MIPOL1: variants seen among roughly 807,000 people sequenced by gnomAD.
MIPOL1 encodes mirror-image polydactyly gene 1 protein.
In MIPOL1, 57 loss-of-function variants were observed where a neutral mutation model predicts 60.9. That is an observed-to-expected ratio of 0.94 (90% CI 0.76 to 1.17). The LOEUF (loss-of-function observed/expected upper bound fraction) is 1.17. MIPOL1 is among the 50% of genes most tolerant of loss of function. MIPOL1 has a pLI of 0.00. For synonymous variants in MIPOL1, 179 were observed against 168.8 expected (o/e 1.06, Z -0.47); for missense variants, 551 against 511.6 (o/e 1.08, Z -0.74).
At chr14:37,311,103 C>G (rs1486548162) in intron 9 of MIPOL1, among the ~76,000 whole-genome samples, 2 of 152,146 alleles carry the variant, frequency 1.3e-5, no homozygotes, top group Non-Finnish European at 2.9e-5. Flanking sequence ...GAAAAAATAA[C>G]TGCAGATACT....
At chr14:37,298,651 A>T (rs1308869768) in intron 7 of MIPOL1, among the ~76,000 whole-genome samples, 3 of 152,196 alleles carry the variant, frequency 2.0e-5, no homozygotes, top group Non-Finnish European at 2.9e-5. Flanking sequence ...CCGAACAGAC[A>T]CTTCTCAAAA....
chr14:37,455,698 T>C (rs2094469574), intron 11 of MIPOL1, among the ~76,000 whole-genome samples: 1 of 152,142 alleles, frequency 6.6e-6, no homozygotes, highest in South Asian at 2.1e-4. Context: ...ATTCGATTAT[T>C]ATCTGCCTTC....
At position 37,413,226 on chromosome 14, in the gene MIPOL1, A is replaced by G. The variant is rs1319922791; in HGVS notation, c.937-9629A>G. On this transcript the variant is annotated intron_variant, in intron 10 of 12. Coordinates refer to ENST00000684589, the MANE Select transcript of MIPOL1 (RefSeq NM_001388067.1). ...TCATAGTTTAAAAAGGAATATAAATATTAATGTATTATTTTAATAGTATTA... is the reference window on the plus strand; with the variant it reads ...TCATAGTTTAAAAAGGAATATAAATGTTAATGTATTATTTTAATAGTATTA... 2.0e-5 allele frequency among the ~76,000 whole-genome samples: 3 copies of G among 152,146 alleles called. No individual in the cohort carries two copies. The South Asian group carries it at 6.2e-4, about 31-fold the overall frequency.
At chr14:37,283,586 A>G (rs1269737946) in intron 6 of MIPOL1, among the ~76,000 whole-genome samples, 2 of 152,206 alleles carry the variant, frequency 1.3e-5, no homozygotes, top group Non-Finnish European at 2.9e-5. Context: ...TCAAAACCAC[A>G]TTATTAATAT....
intron 7 of MIPOL1, among the ~76,000 whole-genome samples, chr14:37,297,073 T>C (rs1262001769): frequency 1.3e-5 from 2 of 152,154 alleles, no homozygotes; most frequent in African/African-American, 2.4e-5. Flanking sequence ...ACTGGCAAAC[T>C]GAATCCAGCA....
chr14:37,346,082 C>T (rs1467963120), intron 9 of MIPOL1, among the ~76,000 whole-genome samples: 2 of 152,140 alleles, frequency 1.3e-5, no homozygotes, highest in Non-Finnish European at 2.9e-5. Flanking sequence ...GTAATCCCAG[C>T]ACTTTGGGAG....
intron 6 of MIPOL1, among the ~76,000 whole-genome samples, chr14:37,274,645 C>T (rs1439087281): frequency 6.6e-6 from 1 of 151,338 alleles, no homozygotes; most frequent in Non-Finnish European, 1.5e-5. Flanking sequence ...GTTAAATGCG[C>T]AGACTTGGGA....
At chr14:37,285,758 AT>A (rs1006398744) in intron 7 of MIPOL1, among the ~76,000 whole-genome samples, 196 of 150,804 alleles carry the variant, frequency 1.3e-3, no homozygotes, top group African/African-American at 4.5e-3. Context: ...AGCCTAGCTA[AT>A]TTTTTTTTAC....
At chr14:37,289,148 A>G (rs2084837370) in intron 7 of MIPOL1, among the ~76,000 whole-genome samples, 1 of 152,162 alleles carries the variant, frequency 6.6e-6, no homozygotes, top group African/African-American at 2.4e-5. Flanking sequence ...TATTGTGAGG[A>G]ATCCCTGGGT....
intron 11 of MIPOL1, among the ~76,000 whole-genome samples, chr14:37,428,824 A>G (rs2094011183): frequency 6.6e-6 from 1 of 152,142 alleles, no homozygotes; most frequent in South Asian, 2.1e-4. Context: ...GAGTGCTAAG[A>G]AAATGAAGTG....
chr14:37,420,703 T>G (rs1245305514), intron 10 of MIPOL1, among the ~76,000 whole-genome samples: 2 of 152,096 alleles, frequency 1.3e-5, no homozygotes, highest in African/African-American at 4.8e-5. Context: ...TCTGGATCTG[T>G]TTTCTGGCAT....
intron 11 of MIPOL1, among the ~76,000 whole-genome samples, chr14:37,426,594 TACAC>T (rs1555339854): frequency 8.0e-6 from 1 of 125,426 alleles, no homozygotes; most frequent in African/African-American, 3.0e-5. Context: ...TATATATATA[TACAC>T]ACACACATAC....
chr14:37,353,441 C>T, intron 9 of MIPOL1, among the ~76,000 whole-genome samples: 1 of 151,108 alleles, frequency 6.6e-6, no homozygotes, highest in Non-Finnish European at 1.5e-5. Flanking sequence ...AGGGAGGATT[C>T]CCTCTTTTTC....
chr14:37,457,025 C>T (rs1481905061), intron 11 of MIPOL1, among the ~76,000 whole-genome samples: 1 of 151,944 alleles, frequency 6.6e-6, no homozygotes, highest in Non-Finnish European at 1.5e-5. Flanking sequence ...GCAATATATA[C>T]TTTGTTGATA....
At chr14:37,272,781 G>T (rs952305583) in intron 6 of MIPOL1, among the ~76,000 whole-genome samples, 3 of 151,232 alleles carry the variant, frequency 2.0e-5, no homozygotes, top group African/African-American at 7.3e-5. Flanking sequence ...TTATAAGCAC[G>T]CACACATACA....
At chr14:37,218,361 T>C (rs1447086516) in intron 1 of MIPOL1, among the ~76,000 whole-genome samples, 1 of 151,774 alleles carries the variant, frequency 6.6e-6, no homozygotes, top group Non-Finnish European at 1.5e-5. Context: ...TTGTATTTTT[T>C]TTTTTTAATA....
At chr14:37,489,317 C>G (rs1002382002) in intron 11 of MIPOL1, among the ~76,000 whole-genome samples, 1 of 152,090 alleles carries the variant, frequency 6.6e-6, no homozygotes, top group Non-Finnish European at 1.5e-5. Context: ...TTATGTTCTT[C>G]TCTAAACTGG....
chr14:37,310,018 C>G (rs925829075), intron 9 of MIPOL1, among the ~76,000 whole-genome samples: 10 of 151,978 alleles, frequency 6.6e-5, no homozygotes, highest in Non-Finnish European at 1.3e-4. Context: ...CTTACTAACT[C>G]TTTTCTGTCT....
intron 12 of MIPOL1, chr14:37,504,884 G>A (rs959991199): frequency 2.0e-5 from 3 of 151,780 alleles, no homozygotes; most frequent in Admixed American, 2.0e-4. Context: ...AGAGAGAGAA[G>A]AATCAAATAG....
Sources: allele counts gnomAD v4.1 joint callset (sites outside exome capture counted in the v4.1 genomes callset), GRCh38; gene constraint gnomAD v4.1.1; transcripts MANE v1.5; gene names NCBI Gene and HGNC (gene_info 2026-07-23, HGNC 2026-07-21).